The following PDE1C variants were observed in gnomAD, a reference collection of about 807,000 sequenced individuals.
The protein encoded by PDE1C is dual specificity calcium/calmodulin-dependent 3',5'-cyclic nucleotide phosphodiesterase 1C.
In PDE1C, 62 loss-of-function variants were observed where a neutral mutation model predicts 93.1. That is an observed-to-expected ratio of 0.67 (90% CI 0.54 to 0.82). The LOEUF (loss-of-function observed/expected upper bound fraction) is 0.82. Ranked by LOEUF, PDE1C falls within the 40% of genes least tolerant of loss-of-function variation. The probability of loss-of-function intolerance (pLI) is 0.00; values close to 1 mark genes in which losing one functional copy is unlikely to be tolerated. For missense variants in PDE1C, 742 were observed against 884.6 expected (o/e 0.84, Z 2.04); for synonymous variants, 325 against 310.1 (o/e 1.05, Z -0.50).
At position 31,875,831 on chromosome 7, in the gene PDE1C, A is replaced by ATATATATATATGTATG. The variant is rs761399274; in HGVS notation, c.492+2138_492+2139insCATACATATATATATA. On this transcript the variant is annotated intron_variant, in intron 5 of 17. Transcript: ENST00000396191. The stretch of plus-strand genomic sequence containing the variant: ...TATATATATATATATATATATATAT[A>ATATATATATATGTATG]TATAATGGAAAAAGTAAAATAACAT... Among the ~76,000 whole-genome samples the ATATATATATATGTATG allele has an allele frequency of 6.7e-5, 6 of 90,114 alleles. 1 individual carries two copies. In the East Asian group the frequency reaches 2.6e-3, roughly 39 times the overall value. The allele number at this position is 90,114 out of a possible 152,430, so 59.1% of individuals were successfully genotyped here.
intron 17 of PDE1C, among the ~76,000 whole-genome samples, chr7:31,761,177 A>C (rs973189917): frequency 4.0e-5 from 3 of 75,888 alleles, no homozygotes; most frequent in African/African-American, 1.6e-4. Flanking sequence ...ATGCAATCTG[A>C]ATTCACACCC....
chr7:32,161,250 T>C (rs1400243719), intron 3 of PDE1C, among the ~76,000 whole-genome samples: 2 of 152,156 alleles, frequency 1.3e-5, no homozygotes, highest in Non-Finnish European at 2.9e-5. Flanking sequence ...TGTGCTACCA[T>C]GGGCCAGTGG....
At chr7:31,823,774 G>A (rs1789302831) in intron 13 of PDE1C, among the ~76,000 whole-genome samples, 1 of 152,108 alleles carries the variant, frequency 6.6e-6, no homozygotes, top group South Asian at 2.1e-4. Flanking sequence ...AATGCGGACA[G>A]CATGGAGATT....
intron 3 of PDE1C, among the ~76,000 whole-genome samples, chr7:32,098,885 G>A (rs1797908089): frequency 6.6e-6 from 1 of 152,236 alleles, no homozygotes; most frequent in Non-Finnish European, 1.5e-5. Flanking sequence ...AGGGGCTGAG[G>A]AGGAGGACAG....
chr7:31,894,326 C>G (rs1177591860), intron 2 of PDE1C, among the ~76,000 whole-genome samples: 1 of 152,236 alleles, frequency 6.6e-6, no homozygotes, highest in Admixed American at 6.5e-5. Flanking sequence ...CTGTCCACAG[C>G]CTGACAGAGC....
At chr7:32,407,383 T>A (rs1313193107) in intron 1 of PDE1C, among the ~76,000 whole-genome samples, 1 of 152,136 alleles carries the variant, frequency 6.6e-6, no homozygotes, top group African/African-American at 2.4e-5. Context: ...CAGCCTCCAA[T>A]CAAAACACTG....
chr7:32,190,967 C>A (rs1042550994), intron 2 of PDE1C, among the ~76,000 whole-genome samples: 1 of 151,994 alleles, frequency 6.6e-6, no homozygotes, highest in African/African-American at 2.4e-5. Context: ...GAAGGGACAG[C>A]ATATGCAAAG....
intron 2 of PDE1C, among the ~76,000 whole-genome samples, chr7:31,962,367 T>A (rs1467116977): frequency 2.6e-5 from 4 of 152,210 alleles, no homozygotes; most frequent in Non-Finnish European, 5.9e-5. Flanking sequence ...CTTGCAACAG[T>A]TAAAAACCAG....
At position 32,060,185 on chromosome 7, in the gene PDE1C, T is replaced by C. The variant is rs138172441; in HGVS notation, c.102-8605A>G. Among the ~76,000 whole-genome samples the C allele has an allele frequency of 3.1e-3, 475 of 152,306 alleles. 4 individuals are homozygous for C. Among genetic ancestry groups the C allele is most frequent in the African/African-American group, 0.011 (460 of 41,570 alleles). On this transcript the variant is annotated intron_variant, in intron 1 of 17. Transcript: ENST00000396191. ...AGCTGTTTCAATTCTCTACTTTGTT[T>C]TTCCCCTTGTAGATTTAGCCAGAAC...
chr7:32,399,009 T>G (rs2128094979), intron 1 of PDE1C, among the ~76,000 whole-genome samples: 1 of 152,302 alleles, frequency 6.6e-6, no homozygotes, highest in African/African-American at 2.4e-5. Flanking sequence ...AGCAAATGTT[T>G]AACTGGGGGA....
intron 7 of PDE1C, among the ~76,000 whole-genome samples, chr7:31,861,052 C>A (rs574373073): frequency 6.6e-6 from 1 of 152,132 alleles, no homozygotes; most frequent in African/African-American, 2.4e-5. Context: ...TCCATTCTCA[C>A]CAAACCACTG....
At chr7:32,404,361 T>A (rs138390705) in intron 1 of PDE1C, among the ~76,000 whole-genome samples, 1 of 152,224 alleles carries the variant, frequency 6.6e-6, no homozygotes, top group African/African-American at 2.4e-5. Flanking sequence ...TTTGTCTTTG[T>A]TTTGGTTTTG....
intron 2 of PDE1C, among the ~76,000 whole-genome samples, chr7:32,043,486 A>C (rs1792120675): frequency 6.6e-6 from 1 of 152,206 alleles, no homozygotes; most frequent in Non-Finnish European, 1.5e-5. Flanking sequence ...CTTATTAGGC[A>C]ATCTAAGAAA....
chr7:32,299,072 T>A (rs1365749684), exon 1 of PDE1C: 3 of 1,100,678 alleles, frequency 2.7e-6, no homozygotes, highest in East Asian at 6.2e-5. Flanking sequence ...CGGAGATCCC[T>A]GCCTGGCCAC....
At chr7:31,912,046 A>C (rs964971319) in intron 2 of PDE1C, among the ~76,000 whole-genome samples, 1 of 152,148 alleles carries the variant, frequency 6.6e-6, no homozygotes, top group Non-Finnish European at 1.5e-5. Context: ...TTTTTAAATC[A>C]TAAGTTAAAT....
intron 1 of PDE1C, among the ~76,000 whole-genome samples, chr7:32,304,571 C>T (rs1160187243): frequency 6.6e-6 from 1 of 152,010 alleles, no homozygotes; most frequent in Admixed American, 6.5e-5. Flanking sequence ...TAAAATGAAA[C>T]AAAAAGCTCC....
At chr7:32,113,236 A>AATATATATATATATATATATATATATAT (rs35138046) in intron 3 of PDE1C, among the ~76,000 whole-genome samples, 105 of 93,930 alleles carry the variant, frequency 1.1e-3, no homozygotes, top group African/African-American at 1.6e-3. Flanking sequence ...ATTGTCCTTA[A>AATATATATATATATATATATATATATAT]ATATATATAT....
chr7:31,717,192 A>G, the PDE1C span, among the ~76,000 whole-genome samples: 3 of 152,246 alleles, frequency 2.0e-5, no homozygotes, highest in Non-Finnish European at 4.4e-5. Context: ...TGCCTCTAAA[A>G]TTTTAAATTA....
chr7:31,759,336 C>T (rs28376399), intron 17 of PDE1C, among the ~76,000 whole-genome samples: 66,969 of 151,874 alleles, frequency 0.44, 15,197 homozygotes, highest in African/African-American at 0.49. Flanking sequence ...CCTAAACTAT[C>T]GGAAGGGGTC....
Sources: allele counts gnomAD v4.1 joint callset (sites outside exome capture counted in the v4.1 genomes callset), GRCh38; gene constraint gnomAD v4.1.1; transcripts MANE v1.5; gene names NCBI Gene and HGNC (gene_info 2026-07-23, HGNC 2026-07-21).